Variants in CNBD1 observed in about 807,000 individuals in gnomAD.
The protein encoded by CNBD1 is cyclic nucleotide-binding domain-containing protein 1.
In CNBD1, 71 loss-of-function variants were observed where a neutral mutation model predicts 54.4. That is an observed-to-expected ratio of 1.30 (90% confidence interval 1.08 to 1.59). The LOEUF (loss-of-function observed/expected upper bound fraction) is 1.59. CNBD1 is among the 40% of genes most tolerant of loss of function. The probability of loss-of-function intolerance (pLI) is 0.00; values close to 1 mark genes in which losing one functional copy is unlikely to be tolerated. For synonymous variants in CNBD1, 182 were observed against 170.7 expected (o/e 1.07, Z -0.51); for missense variants, 659 against 518.0 (o/e 1.27, Z -2.64).
intron 2 of CNBD1, among the ~76,000 whole-genome samples, chr8:87,399,776 G>T (rs1202654909): frequency 6.6e-6 from 1 of 151,920 alleles, no homozygotes; most frequent in East Asian, 1.9e-4. Context: ...GATAGTTATG[G>T]TGCTTGGACA....
chr8:87,011,646 T>C (rs1809225283), intron 4 of CNBD1, among the ~76,000 whole-genome samples: 1 of 152,142 alleles, frequency 6.6e-6, no homozygotes, highest in South Asian at 2.1e-4. Context: ...TTTATTCTCA[T>C]TTGAATAATA....
At chr8:86,913,503 A>T (rs1026780642) in intron 3 of CNBD1, among the ~76,000 whole-genome samples, 1 of 152,150 alleles carries the variant, frequency 6.6e-6, no homozygotes, top group African/African-American at 2.4e-5. Flanking sequence ...AAAAGAGAGA[A>T]ATTTTAAAGC....
At chr8:86,953,869 A>G (rs60626291) in intron 4 of CNBD1, among the ~76,000 whole-genome samples, 4,049 of 152,266 alleles carry the variant, frequency 0.027, 191 homozygotes, top group African/African-American at 0.093. Context: ...TCTGTCTCAA[A>G]AAAATAAAAA....
chr8:86,998,015 C>T (rs1286140067), intron 4 of CNBD1, among the ~76,000 whole-genome samples: 25 of 152,000 alleles, frequency 1.6e-4, no homozygotes, highest in Admixed American at 1.6e-3. Flanking sequence ...TCTTACATGC[C>T]CATGTTATAG....
chr8:87,022,889 A>G (rs1316993302), intron 4 of CNBD1, among the ~76,000 whole-genome samples: 2 of 152,254 alleles, frequency 1.3e-5, no homozygotes, highest in African/African-American at 4.8e-5. Flanking sequence ...CAAAATTTGC[A>G]TTCCAAATTT....
rs577749721 is a variant in CNBD1 at position 87,182,457 on chromosome 8, C to T, written c.432-23536C>T. ...ATGATAATTCTGTTTTAGTTTCTTT[C>T]AGATATTACCAAACCATTTTACACA... On this transcript the variant is annotated intron_variant, in intron 4 of 10. Transcript: ENST00000518476. This position sits in a 1 kb window ranked among gnomAD's most constrained non-coding sequence, Gnocchi z 4.1. Among the ~76,000 whole-genome samples the T allele has an allele frequency of 8.6e-5, 13 of 151,944 alleles. No homozygotes were observed. The highest frequency in any genetic ancestry group is 5.9e-4 in the Admixed American group (9 of 15,252).
intron 8 of CNBD1, among the ~76,000 whole-genome samples, chr8:87,316,843 C>T (rs370275180): frequency 4.0e-5 from 6 of 151,720 alleles, no homozygotes; most frequent in African/African-American, 1.4e-4. Context: ...CTATTTACAA[C>T]TCCTATTTAT....
intron 4 of CNBD1, among the ~76,000 whole-genome samples, chr8:86,996,499 G>A (rs1457616610): frequency 6.6e-6 from 1 of 152,166 alleles, no homozygotes; most frequent in Non-Finnish European, 1.5e-5. Context: ...TCACATTGCT[G>A]TTTAATATTT....
chr8:87,043,239 G>C (rs917941808), intron 4 of CNBD1, among the ~76,000 whole-genome samples: 2 of 152,198 alleles, frequency 1.3e-5, no homozygotes, highest in Middle Eastern at 3.4e-3. Context: ...CAGAGCAATT[G>C]TTCATTTTTC....
At chr8:87,305,819 G>C (rs546802753) in intron 8 of CNBD1, among the ~76,000 whole-genome samples, 1 of 152,072 alleles carries the variant, frequency 6.6e-6, no homozygotes, top group East Asian at 1.9e-4. Context: ...ATAACATCAG[G>C]AAAACCCTTC....
chr8:87,132,333 T>C (rs540978309), intron 4 of CNBD1, among the ~76,000 whole-genome samples: 17 of 151,896 alleles, frequency 1.1e-4, no homozygotes, highest in African/African-American at 3.6e-4. Flanking sequence ...CTAATTGTGA[T>C]AATACCTAAT....
intron 2 of CNBD1, among the ~76,000 whole-genome samples, chr8:87,422,363 G>A (rs1807955493): frequency 7.5e-6 from 1 of 133,190 alleles, no homozygotes; most frequent in South Asian, 2.2e-4. Context: ...CCTATGTCCT[G>A]AATGGTAATG....
At chr8:87,148,178 G>A (rs1476414887) in intron 4 of CNBD1, among the ~76,000 whole-genome samples, 1 of 152,040 alleles carries the variant, frequency 6.6e-6, no homozygotes, top group Admixed American at 6.6e-5. Flanking sequence ...TCATATAAAT[G>A]ATTCAGATTT....
chr8:87,218,715 T>C (rs548029532), intron 5 of CNBD1, among the ~76,000 whole-genome samples: 1 of 152,172 alleles, frequency 6.6e-6, no homozygotes, highest in South Asian at 2.1e-4. Context: ...GATATGATAT[T>C]GTTTTGATAT....
chr8:86,915,512 T>C (rs1809169890), intron 3 of CNBD1, among the ~76,000 whole-genome samples: 1 of 152,118 alleles, frequency 6.6e-6, no homozygotes, highest in Non-Finnish European at 1.5e-5. Context: ...ATAAACTAAA[T>C]ATCTCCCAAA....
At chr8:87,309,470 T>G (rs1442645587) in intron 8 of CNBD1, among the ~76,000 whole-genome samples, 1 of 152,156 alleles carries the variant, frequency 6.6e-6, no homozygotes, top group Non-Finnish European at 1.5e-5. Context: ...TCTAGTGCTA[T>G]TGCTTTGTGT....
intron 4 of CNBD1, among the ~76,000 whole-genome samples, chr8:86,956,268 G>A (rs1284796241): frequency 1.3e-5 from 2 of 152,144 alleles, no homozygotes; most frequent in African/African-American, 4.8e-5. Context: ...GTAGCATGAT[G>A]CCTCCAGCTT....
intron 6 of CNBD1, among the ~76,000 whole-genome samples, chr8:87,238,431 A>G (rs1807624900): frequency 2.6e-5 from 4 of 152,110 alleles, no homozygotes; most frequent in Admixed American, 2.6e-4. Context: ...CCAAAACTTT[A>G]CTTTTTAGGA....
chr8:86,982,232 T>G (rs1808503645), intron 4 of CNBD1, among the ~76,000 whole-genome samples: 1 of 152,220 alleles, frequency 6.6e-6, no homozygotes, highest in East Asian at 1.9e-4. Flanking sequence ...TCTTTGTATA[T>G]CTTCTTCTTA....
Sources: allele counts gnomAD v4.1 joint callset (sites outside exome capture counted in the v4.1 genomes callset), GRCh38; gene constraint gnomAD v4.1.1; non-coding constraint Gnocchi (gnomAD v3.1); transcripts MANE v1.5; gene names NCBI Gene and HGNC (gene_info 2026-07-23, HGNC 2026-07-21).